Variants in COLQ observed in about 807,000 individuals in gnomAD.
COLQ encodes acetylcholinesterase collagenic tail peptide.
In COLQ, 48 loss-of-function variants were observed where a neutral mutation model predicts 69.0. That is an observed-to-expected ratio of 0.70 (90% confidence interval 0.55 to 0.88). The LOEUF is 0.88. Ranked by LOEUF, COLQ falls within the 40% of genes least tolerant of loss-of-function variation. The pLI, the probability that COLQ is intolerant of heterozygous loss-of-function variation, is 0.00. For synonymous variants in COLQ, 217 were observed against 211.2 expected (o/e 1.03, Z -0.24); for missense variants, 618 against 594.6 (o/e 1.04, Z -0.41).
At chr3:15,504,481 G>C (rs1219996385) in intron 1 of COLQ, among the ~76,000 whole-genome samples, 1 of 152,154 alleles carries the variant, frequency 6.6e-6, no homozygotes, top group South Asian at 2.1e-4. Context: ...CTTCTTATAA[G>C]AACACCAGTC....
intron 1 of COLQ, among the ~76,000 whole-genome samples, chr3:15,510,777 G>A (rs1321187390): frequency 8.1e-5 from 10 of 123,536 alleles, no homozygotes; most frequent in African/African-American, 2.1e-4. Context: ...GGAGGGGAGG[G>A]GAATGGAGGG....
Position 15,451,261 on chromosome 3 carries a change from C to T in COLQ, c.*383G>A. 2 of 322,114 alleles carry T rather than the reference C, an allele frequency of 6.2e-6. No individual in the cohort carries two copies. The highest frequency in any genetic ancestry group is 3.1e-5 in the South Asian group (1 of 31,790). 20.0% of individuals were successfully genotyped at this position (322,114 alleles called of 1,614,324 possible). A position where few individuals can be genotyped will look rare whatever the true frequency, so the allele number is the denominator to read the frequency against. Reference sequence around the variant, plus strand: ...CGGAGAGGCCTGTACTCCAGATTCCCCAAAGAGATCAAAACATTCTAAAAC... The same window carrying T: ...CGGAGAGGCCTGTACTCCAGATTCCTCAAAGAGATCAAAACATTCTAAAAC... On this transcript the variant is annotated 3_prime_UTR_variant, in exon 17 of 17. Coordinates refer to ENST00000383788, the MANE Select transcript of COLQ (RefSeq NM_005677.4).
chr3:15,489,456 G>A (rs2062626843), intron 2 of COLQ, 69 bp downstream of exon 2: 3 of 1,427,976 alleles, frequency 2.1e-6, no homozygotes, highest in Admixed American at 1.7e-5. Flanking sequence ...GGGGCAGGCA[G>A]GTGGGGCTGC....
intron 1 of COLQ, among the ~76,000 whole-genome samples, chr3:15,509,911 G>A (rs2062960485): frequency 2.0e-5 from 3 of 152,136 alleles, no homozygotes; most frequent in Non-Finnish European, 2.9e-5. Context: ...GGTGGCTCAC[G>A]CCTGTAATCC....
chr3:15,455,974 T>A lies in COLQ; in HGVS notation c.1120A>T (p.Thr374Ser). 2 of 1,613,724 alleles carry A rather than the reference T, an allele frequency of 1.2e-6. No individual in the cohort carries two copies. Among genetic ancestry groups the A allele is most frequent in the Non-Finnish European group, 1.7e-6 (2 of 1,179,898 alleles). ...PVDYTADQHG[T>S]CGDGLLQPGE... ...GGCTGCAGGAGCCCATCCCCACAGG[T>A]GCCGTGCTGGTCTGCAGTGTAATCC... is the stretch of plus-strand genomic sequence containing the variant. The change falls in exon 15 of 17, where the codon ACC becomes TCC. Residue 374 changes from threonine to serine, a missense_variant. Physicochemically the swap from Thr to Ser is moderately conservative, Grantham distance 58. Coordinates refer to ENST00000383788, the MANE Select transcript of COLQ (RefSeq NM_005677.4).
intron 1 of COLQ, chr3:15,498,855 C>T: frequency 2.1e-6 from 3 of 1,405,252 alleles, no homozygotes; most frequent in Non-Finnish European, 2.8e-6. Context: ...AGAGTGCCTT[C>T]AGCCCAGGGG....
intron 12 of COLQ, among the ~76,000 whole-genome samples, chr3:15,459,837 G>A (rs1208583473): frequency 6.6e-6 from 1 of 151,848 alleles, no homozygotes; most frequent in Non-Finnish European, 1.5e-5. Context: ...GGGTACATGT[G>A]CACAATGTGC....
chr3:15,474,671 C>A (rs143468629), intron 8 of COLQ, among the ~76,000 whole-genome samples: 1 of 152,234 alleles, frequency 6.6e-6, no homozygotes, highest in Non-Finnish European at 1.5e-5. Flanking sequence ...CTACCTGGCA[C>A]GGCCTTCATT....
At chr3:15,497,971 A>AG (rs1263883058) in intron 1 of COLQ, among the ~76,000 whole-genome samples, 1 of 152,218 alleles carries the variant, frequency 6.6e-6, no homozygotes, top group East Asian at 1.9e-4. Context: ...AACATGGTAG[A>AG]GTTTGCCTTC....
chr3:15,455,275 T>A (rs2062008447), intron 15 of COLQ, among the ~76,000 whole-genome samples: 1 of 152,176 alleles, frequency 6.6e-6, no homozygotes, highest in Non-Finnish European at 1.5e-5. Context: ...TGGTTGGTGT[T>A]TCTCAGGGCC....
At chr3:15,454,633 T>C (rs1248796385) in intron 15 of COLQ, among the ~76,000 whole-genome samples, 1 of 147,692 alleles carries the variant, frequency 6.8e-6, no homozygotes, top group East Asian at 2.0e-4. Flanking sequence ...CTCTGCCCTG[T>C]CATCCTTCCC....
intron 3 of COLQ, among the ~76,000 whole-genome samples, chr3:15,480,644 G>A (rs1259143289): frequency 6.6e-6 from 1 of 152,098 alleles, no homozygotes; most frequent in Non-Finnish European, 1.5e-5. Context: ...ATAAACATAC[G>A]TGGGCATGTG....
chr3:15,496,023 CA>C (rs2062740940), intron 1 of COLQ, among the ~76,000 whole-genome samples: 1 of 152,306 alleles, frequency 6.6e-6, no homozygotes, highest in East Asian at 1.9e-4. Context: ...ATTATTTTTC[CA>C]GACCATATAT....
intron 1 of COLQ, 116 bp downstream of exon 1, chr3:15,521,404 C>A: frequency 7.1e-7 from 1 of 1,399,886 alleles, no homozygotes; most frequent in Admixed American, 2.0e-5. Flanking sequence ...TTCCTTCCAA[C>A]CTCCCTCCAC....
chr3:15,456,004 G>T lies in COLQ; in HGVS notation c.1090C>A (p.Pro364Thr). The change falls in exon 15 of 17, where the codon CCT (proline) becomes ACT (threonine). Residue 364 changes from proline (P) to threonine (T), a missense_variant. Coordinates refer to ENST00000383788, the MANE Select transcript of COLQ (RefSeq NM_005677.4). Reference protein sequence around the residue: ...WLPIQLTPFYPVDYTADQHGT... With the variant: ...WLPIQLTPFYTVDYTADQHGT... ...TGCTGGTCTGCAGTGTAATCCACAG[G>T]GTAGAAAGGGGTCAGCTGGCCAAAG... 1 of 1,614,064 alleles carries T rather than the reference G, an allele frequency of 6.2e-7. No individual in the cohort carries two copies. The highest frequency in any genetic ancestry group is 8.5e-7 in the Non-Finnish European group (1 of 1,179,998).
In COLQ at chr3:15,456,571, C is replaced by A; in HGVS notation, c.963G>T (p.Val321=). The A allele has an allele frequency of 6.2e-7, 1 of 1,613,996 alleles. No individual in the cohort carries two copies. The highest frequency in any genetic ancestry group is 1.1e-5 in the South Asian group (1 of 91,086). Residue 321 remains valine (V), a synonymous_variant, in exon 14 of 17, where the codon GTG becomes GTT. Transcript: ENST00000383788. Reference sequence around the variant, plus strand: ...TCTCAAGCTCCTCCTGGTTGTTGACCACAAAAATCTGCCAGAGAACACACT... The same window carrying A: ...TCTCAAGCTCCTCCTGGTTGTTGACAACAAAAATCTGCCAGAGAACACACT... ...PSSPRVPVIF[V]VNNQEELERL...
At chr3:15,461,896 T>C (rs1559514115) in intron 12 of COLQ, among the ~76,000 whole-genome samples, 3 of 151,458 alleles carry the variant, frequency 2.0e-5, no homozygotes, top group Admixed American at 6.6e-5. Context: ...GAGAATGGGT[T>C]TGGGACTTTC....
chr3:15,489,562 A>G lies in COLQ; in HGVS notation c.182T>C (p.Leu61Pro). ...ACCTCTGAAGAATGGTGGTGGGAAC[A>G]GTGGTGGTGGAGGAGGCGTCAGCAG... ...CCLLTPPPPP[L>P]FPPPFFRGGR... The change falls in exon 2 of 17, where the codon CTG becomes CCG. Residue 61 changes from leucine to proline, a missense_variant. By Grantham distance (98) the Leu-to-Pro change is moderately conservative. Coordinates refer to ENST00000383788, the MANE Select transcript of COLQ (RefSeq NM_005677.4). 1.9e-6 allele frequency: 3 copies of G among 1,614,208 alleles called. No individual in the cohort carries two copies. Among genetic ancestry groups the G allele is most frequent in the Non-Finnish European group, 1.7e-6 (2 of 1,180,026 alleles).
At position 15,473,899 on chromosome 3, in the gene COLQ, C is replaced by T. The variant is rs1006926145; in HGVS notation, c.636+101G>A. 7.6e-6 allele frequency: 10 copies of T among 1,313,476 alleles called. No homozygotes were observed. Among genetic ancestry groups the T allele is most frequent in the Non-Finnish European group, 1.1e-5 (10 of 917,806 alleles). 81.4% of individuals were successfully genotyped at this position (1,313,476 alleles called of 1,614,324 possible). ...TAGAAGTTTCCATGGTTAAACCCACCATCCCTGCCTGATAGACAAGGAGGC... is the reference window on the plus strand; with the variant it reads ...TAGAAGTTTCCATGGTTAAACCCACTATCCCTGCCTGATAGACAAGGAGGC... On this transcript the variant is annotated intron_variant, in intron 10 of 16. Transcript: ENST00000383788. The surrounding 1 kb of genome is among the most constrained non-coding windows in gnomAD (Gnocchi z 4.0).
Sources: allele counts gnomAD v4.1 joint callset (sites outside exome capture counted in the v4.1 genomes callset), GRCh38; gene constraint gnomAD v4.1.1; non-coding constraint Gnocchi (gnomAD v3.1); transcripts MANE v1.5; gene names NCBI Gene and HGNC (gene_info 2026-07-23, HGNC 2026-07-21).